The following SUPT3H variants were observed in gnomAD, a reference collection of about 807,000 sequenced individuals.
SUPT3H encodes the protein transcription initiation protein SPT3 homolog.
SUPT3H carries 44 observed loss-of-function variants against 44.3 expected under a neutral mutation model. The ratio of observed to expected loss-of-function variants is 0.99; its 90% CI spans 0.78 to 1.28. The LOEUF (loss-of-function observed/expected upper bound fraction) is 1.28. SUPT3H is among the 50% of genes most tolerant of loss of function. SUPT3H has a pLI of 0.00. For missense variants in SUPT3H, 380 were observed against 387.1 expected, an observed-to-expected ratio of 0.98 and a Z score of 0.15; for synonymous variants, 124 against 125.6, an observed-to-expected ratio of 0.99 and a Z score of 0.09.
intron 11 of SUPT3H, among the ~76,000 whole-genome samples, chr6:44,818,259 A>G (rs1476270631): frequency 3.3e-5 from 4 of 122,420 alleles, no homozygotes; most frequent in Non-Finnish European, 6.5e-5. Flanking sequence ...TCCATATGCA[A>G]AAAAAACAAA....
chr6:45,009,808 T>C (rs780409112), intron 5 of SUPT3H, among the ~76,000 whole-genome samples: 3 of 152,172 alleles, frequency 2.0e-5, no homozygotes, highest in Non-Finnish European at 4.4e-5. Context: ...ACGACCTAGA[T>C]GAGTCATTTC....
chr6:44,966,460 T>A (rs1338770302), intron 6 of SUPT3H, among the ~76,000 whole-genome samples: 2 of 151,234 alleles, frequency 1.3e-5, no homozygotes, highest in African/African-American at 4.8e-5. Context: ...AGTAAAACCA[T>A]CTCAATAAAG....
At chr6:45,098,532 G>T in intron 3 of SUPT3H, 1 of 252,738 alleles carries the variant, frequency 4.0e-6, no homozygotes, top group South Asian at 6.1e-5. Context: ...CTGGGTGAAA[G>T]GAGAGTATAA....
chr6:45,200,093 T>G (rs1482638862), intron 2 of SUPT3H, among the ~76,000 whole-genome samples: 1 of 151,408 alleles, frequency 6.6e-6, no homozygotes, highest in African/African-American at 2.4e-5. Context: ...AAATCTTCTG[T>G]GCAATAGAGA....
chr6:45,197,385 A>T (rs973226614), intron 2 of SUPT3H, among the ~76,000 whole-genome samples: 1 of 151,540 alleles, frequency 6.6e-6, no homozygotes, highest in Non-Finnish European at 1.5e-5. Flanking sequence ...AAATCTACCA[A>T]GGAATTTTTA....
At chr6:44,868,672 T>C (rs2153428880) in intron 10 of SUPT3H, among the ~76,000 whole-genome samples, 1 of 152,290 alleles carries the variant, frequency 6.6e-6, no homozygotes, top group East Asian at 1.9e-4. Context: ...ACCTATCAAT[T>C]CCTGCCTGTC....
At chr6:44,967,733 C>T (rs1776967931) in intron 6 of SUPT3H, among the ~76,000 whole-genome samples, 1 of 152,180 alleles carries the variant, frequency 6.6e-6, no homozygotes, top group Non-Finnish European at 1.5e-5. Context: ...CACAAAAACA[C>T]AGAGCATAAC....
At chr6:45,268,387 CTAAA>C (rs1378637418) in intron 2 of SUPT3H, among the ~76,000 whole-genome samples, 10 of 152,088 alleles carry the variant, frequency 6.6e-5, no homozygotes, top group African/African-American at 9.6e-5. Context: ...ACAGATCTGC[CTAAA>C]TAGAGTAAAA....
At chr6:45,080,507 T>C (rs1014748554) in intron 3 of SUPT3H, among the ~76,000 whole-genome samples, 2 of 151,770 alleles carry the variant, frequency 1.3e-5, no homozygotes, top group African/African-American at 2.4e-5. Flanking sequence ...CTAGTCACAA[T>C]AGTAAAGATT....
chr6:44,965,527 T>C (rs527748014), intron 6 of SUPT3H, among the ~76,000 whole-genome samples: 2 of 152,158 alleles, frequency 1.3e-5, no homozygotes, highest in Admixed American at 6.5e-5. Flanking sequence ...TTGAGGATGA[T>C]GAAGATGATC....
chr6:45,089,440 T>C (rs775232981), intron 3 of SUPT3H, among the ~76,000 whole-genome samples: 1 of 152,076 alleles, frequency 6.6e-6, no homozygotes, highest in Admixed American at 6.6e-5. Context: ...AGTATCTTCC[T>C]GAAATGCCAT....
At chr6:45,334,528 A>C (rs1328482549) in intron 2 of SUPT3H, among the ~76,000 whole-genome samples, 5 of 150,926 alleles carry the variant, frequency 3.3e-5, no homozygotes, top group Non-Finnish European at 6.0e-5. Flanking sequence ...TTGAATACAT[A>C]TATATGCAGT....
intron 2 of SUPT3H, among the ~76,000 whole-genome samples, chr6:45,128,378 G>A (rs1802763924): frequency 6.6e-6 from 1 of 150,530 alleles, no homozygotes; most frequent in Non-Finnish European, 1.5e-5. Context: ...GGTGGCATGT[G>A]CCTGTAGTCT....
At chr6:45,130,466 T>C (rs1029969353) in intron 2 of SUPT3H, among the ~76,000 whole-genome samples, 16 of 152,052 alleles carry the variant, frequency 1.1e-4, no homozygotes, top group African/African-American at 3.1e-4. Context: ...TCAGTTACTA[T>C]GAGCAATGCT....
chr6:45,018,326 A>C (rs2153516346), intron 4 of SUPT3H, among the ~76,000 whole-genome samples: 1 of 151,870 alleles, frequency 6.6e-6, no homozygotes, highest in South Asian at 2.1e-4. Flanking sequence ...TTCCTAATTG[A>C]ATACCCTTTA....
At chr6:44,927,633 T>C (rs1239584583) in intron 10 of SUPT3H, among the ~76,000 whole-genome samples, 1 of 152,208 alleles carries the variant, frequency 6.6e-6, no homozygotes, top group African/African-American at 2.4e-5. Flanking sequence ...GGTAAGTATG[T>C]ACACTCAGTT....
chr6:45,361,063 A>T (rs1038888479), intron 2 of SUPT3H, among the ~76,000 whole-genome samples: 33 of 152,176 alleles, frequency 2.2e-4, no homozygotes, highest in African/African-American at 7.2e-4. Context: ...ACTTGTGCCT[A>T]AGAGTTTGAA....
Position 44,972,391 on chromosome 6 carries a change from G to T in SUPT3H, c.505-10563C>A, listed in dbSNP as rs144514945. On this transcript the variant is annotated intron_variant, in intron 6 of 10. Coordinates refer to ENST00000371459, the MANE Select transcript of SUPT3H (RefSeq NM_003599.4). ...GTCGCACGGATTCAAGAGAGGTGGG[G>T]TCCCAGGGCCTCTTGTCAGCTACGC... Among the ~76,000 whole-genome samples, 9 of 152,312 alleles carry T rather than the reference G, an allele frequency of 5.9e-5. No individual in the cohort carries two copies. In the East Asian group the frequency reaches 1.7e-3, roughly 29 times the overall value.
intron 2 of SUPT3H, among the ~76,000 whole-genome samples, chr6:45,297,093 G>GA (rs990261644): frequency 1.5e-4 from 21 of 142,836 alleles, no homozygotes; most frequent in Middle Eastern, 3.5e-3. Context: ...AAAAAAAAAG[G>GA]AAAAAAAAAT....
Sources: gnomAD v4.1 joint callset for allele counts (sites outside exome capture counted in the v4.1 genomes callset) on GRCh38, gnomAD v4.1.1 for gene constraint, MANE v1.5 for transcripts, NCBI Gene and HGNC (gene_info 2026-07-23, HGNC 2026-07-21) for gene names.